The following ST18 variants were observed in gnomAD, a reference collection of about 807,000 sequenced individuals.
ST18 encodes the protein ST18 C2H2C-type zinc finger transcription factor, also known as suppression of tumorigenicity 18 protein.
A neutral mutation model predicts 110.0 loss-of-function variants in ST18; 50 were observed. The ratio of observed to expected loss-of-function variants is 0.45; its 90% CI spans 0.36 to 0.58. The LOEUF (loss-of-function observed/expected upper bound fraction) is 0.58, where lower values mean the gene tolerates loss of function less well. Among genes scored for constraint, ST18 ranks in the 20% least tolerant of loss-of-function variants. The pLI is 0.00. For synonymous variants in ST18, 461 were observed against 452.4 expected (o/e 1.02, Z -0.24); for missense variants, 1,306 against 1,280.1 (o/e 1.02, Z -0.31).
chr8:52,408,808 T>A (rs1346551505), intron 2 of ST18, among the ~76,000 whole-genome samples: 1 of 152,196 alleles, frequency 6.6e-6, no homozygotes, highest in Admixed American at 6.5e-5. Context: ...AACAGACATA[T>A]AGCATGCATA....
At chr8:52,189,041 G>A (rs2073482477) in intron 8 of ST18, among the ~76,000 whole-genome samples, 1 of 152,134 alleles carries the variant, frequency 6.6e-6, no homozygotes, top group African/African-American at 2.4e-5. Flanking sequence ...AATCCTAAGA[G>A]TGCCCTGGAT....
At chr8:52,134,615 T>C (rs2131647631) in intron 19 of ST18, among the ~76,000 whole-genome samples, 1 of 152,294 alleles carries the variant, frequency 6.6e-6, no homozygotes. Context: ...CTTTTTTTTT[T>C]CTTTTTTCAA....
At chr8:52,339,539 C>A (rs958175120) in intron 2 of ST18, among the ~76,000 whole-genome samples, 1 of 152,242 alleles carries the variant, frequency 6.6e-6, no homozygotes, top group Non-Finnish European at 1.5e-5. Context: ...TGCCTCCACA[C>A]AAGTTTTGAA....
intron 16 of ST18, among the ~76,000 whole-genome samples, chr8:52,149,175 C>T (rs1258677200): frequency 6.6e-6 from 1 of 152,192 alleles, no homozygotes; most frequent in Non-Finnish European, 1.5e-5. Context: ...AAAACCACCT[C>T]CAAGATAATC....
chr8:52,354,179 T>C (rs141337971), intron 2 of ST18, among the ~76,000 whole-genome samples: 2 of 152,136 alleles, frequency 1.3e-5, no homozygotes, highest in African/African-American at 4.8e-5. Context: ...GAAAATGAAA[T>C]GGGGAGTGAC....
At chr8:52,372,566 C>T (rs910663573) in intron 2 of ST18, among the ~76,000 whole-genome samples, 2 of 152,344 alleles carry the variant, frequency 1.3e-5, no homozygotes, top group East Asian at 1.9e-4. Context: ...ACGGTAAGTG[C>T]CCTGTACAGG....
At chr8:52,312,084 T>C (rs534988499) in intron 2 of ST18, among the ~76,000 whole-genome samples, 67 of 152,310 alleles carry the variant, frequency 4.4e-4, no homozygotes, top group Non-Finnish European at 8.2e-4. Context: ...TTATTCCATG[T>C]TTATTATTCA....
intron 2 of ST18, among the ~76,000 whole-genome samples, chr8:52,336,842 G>A (rs1048557504): frequency 2.0e-5 from 3 of 152,220 alleles, no homozygotes; most frequent in African/African-American, 7.2e-5. Context: ...TGACACTCCA[G>A]CGTGGTGTAC....
chr8:52,241,416 G>A (rs1011058116), intron 2 of ST18, among the ~76,000 whole-genome samples: 1 of 152,136 alleles, frequency 6.6e-6, no homozygotes, highest in Non-Finnish European at 1.5e-5. Flanking sequence ...AGATGCTCTG[G>A]CCCCACATAC....
chr8:52,201,759 C>T (rs986315040), intron 8 of ST18, among the ~76,000 whole-genome samples: 1 of 152,182 alleles, frequency 6.6e-6, no homozygotes, highest in Non-Finnish European at 1.5e-5. Context: ...TCTGAGACCA[C>T]GCCCGTCCTC....
Position 52,116,328 on chromosome 8 carries a change from C to G in ST18, c.2950G>C (p.Gly984Arg), listed in dbSNP as rs983449393. The G allele has an allele frequency of 1.2e-6, 2 of 1,613,886 alleles. No individual in the cohort carries two copies. The highest frequency in any genetic ancestry group is 1.7e-5 in the Admixed American group (1 of 59,986). The change falls in exon 25 of 26, where the codon GGT (glycine) becomes CGT (arginine). Residue 984 changes from glycine (G) to arginine (R), a missense_variant. By Grantham distance (125) the Gly-to-Arg change is moderately radical. Transcript: ENST00000689386. ...CTTGAAATGAGAGCTTGGCTTAGAC[C>G]TGCCAGCTCTTTCAGCAGACTTTCA... ...NNESLLKELAGLSQALISSLA... is the reference protein window; with the variant it reads ...NNESLLKELARLSQALISSLA...
At chr8:52,324,301 TGATGGATGGATG>T (rs201977608) in intron 2 of ST18, among the ~76,000 whole-genome samples, 11 of 150,944 alleles carry the variant, frequency 7.3e-5, no homozygotes, top group South Asian at 4.2e-4. Flanking sequence ...GGTTGATAGA[TGATGGATGGATG>T]GATGGATGGA....
intron 2 of ST18, among the ~76,000 whole-genome samples, chr8:52,334,803 C>T (rs529096185): frequency 2.0e-5 from 3 of 152,310 alleles, no homozygotes; most frequent in South Asian, 2.1e-4. Flanking sequence ...ACCTGCTCCA[C>T]GTTGCTCATT....
At chr8:52,225,884 G>T (rs973666661) in intron 3 of ST18, among the ~76,000 whole-genome samples, 6 of 152,160 alleles carry the variant, frequency 3.9e-5, no homozygotes, top group Non-Finnish European at 8.8e-5. Context: ...ATGCATTTTT[G>T]TGGTAAAAGC....
At chr8:52,236,828 G>A (rs2092749878) in intron 2 of ST18, among the ~76,000 whole-genome samples, 1 of 152,156 alleles carries the variant, frequency 6.6e-6, no homozygotes, top group Non-Finnish European at 1.5e-5. Context: ...TGGGAACACT[G>A]AAATAAGGTA....
intron 2 of ST18, among the ~76,000 whole-genome samples, chr8:52,341,288 A>G (rs543724422): frequency 1.6e-4 from 25 of 152,364 alleles, no homozygotes; most frequent in African/African-American, 6.0e-4. Flanking sequence ...CCTGGCTTCC[A>G]TCAGGATGAT....
intron 2 of ST18, among the ~76,000 whole-genome samples, chr8:52,369,978 C>T (rs149840967): frequency 2.6e-5 from 4 of 152,288 alleles, no homozygotes; most frequent in Non-Finnish European, 5.9e-5. Flanking sequence ...AGAATGTTCA[C>T]CTAGTCAGAC....
At chr8:52,296,873 T>A (rs1021511730) in intron 2 of ST18, among the ~76,000 whole-genome samples, 2 of 152,054 alleles carry the variant, frequency 1.3e-5, no homozygotes, top group African/African-American at 4.8e-5. Context: ...TGCAATTAAG[T>A]ACTAAACAAA....
chr8:52,397,225 T>C (rs7008886), intron 2 of ST18, among the ~76,000 whole-genome samples: 147,008 of 152,264 alleles, frequency 0.97, 71,089 homozygotes, highest in Non-Finnish European at 1. Context: ...ATTTCCTTGA[T>C]GACTAGTAAT....
Sources: gnomAD v4.1 joint callset for allele counts (sites outside exome capture counted in the v4.1 genomes callset) on GRCh38, gnomAD v4.1.1 for gene constraint, MANE v1.5 for transcripts, NCBI Gene and HGNC (gene_info 2026-07-23, HGNC 2026-07-21) for gene names.